The following RNGTT variants were observed in gnomAD, a reference collection of about 807,000 sequenced individuals.
The protein encoded by RNGTT is mRNA-capping enzyme.
RNGTT carries 33 observed loss-of-function variants against 79.3 expected under a neutral mutation model. That is an observed-to-expected ratio of 0.42 (90% CI 0.32 to 0.56). RNGTT has a LOEUF of 0.56. Among genes scored for constraint, RNGTT ranks in the 20% least tolerant of loss-of-function variants. The probability of loss-of-function intolerance (pLI) is 0.17; values close to 1 mark genes in which losing one functional copy is unlikely to be tolerated. For missense variants in RNGTT, 497 were observed against 739.1 expected (o/e 0.67, Z 3.80); for synonymous variants, 222 against 235.9 (o/e 0.94, Z 0.54).
At chr6:88,823,824 A>G (rs940396925) in intron 11 of RNGTT, among the ~76,000 whole-genome samples, 1 of 152,198 alleles carries the variant, frequency 6.6e-6, no homozygotes, top group Non-Finnish European at 1.5e-5. Context: ...TCAGGCTAAC[A>G]AAAGAGTTGA....
At chr6:88,931,846 CG>C (rs1562049181) in intron 2 of RNGTT, among the ~76,000 whole-genome samples, 3 of 152,236 alleles carry the variant, frequency 2.0e-5, no homozygotes, top group African/African-American at 7.2e-5. Context: ...CCATCATCTT[CG>C]TAAGCTGAGG....
intron 14 of RNGTT, among the ~76,000 whole-genome samples, chr6:88,660,412 G>C (rs1327563890): frequency 6.6e-6 from 1 of 152,100 alleles, no homozygotes; most frequent in Non-Finnish European, 1.5e-5. Flanking sequence ...GTCTTCAAGA[G>C]ACTCAACTAA....
intron 1 of RNGTT, among the ~76,000 whole-genome samples, chr6:88,949,158 T>TGAAAAAAAAAAAAAAAAAAAAAAAAA (rs1785144154): frequency 2.2e-4 from 4 of 18,004 alleles, no homozygotes; most frequent in Non-Finnish European, 3.3e-4. Flanking sequence ...TAAAATAAAA[T>TGAAAAAAAAAAAAAAAAAAAAAAAAA]GAAAAAAAAA....
intron 13 of RNGTT, among the ~76,000 whole-genome samples, chr6:88,687,875 A>G (rs779322847): frequency 3.9e-5 from 6 of 152,308 alleles, no homozygotes; most frequent in Non-Finnish European, 8.8e-5. Flanking sequence ...GAAGAGTGAC[A>G]TATCTATGAG....
chr6:88,803,867 T>A (rs1779872964), intron 11 of RNGTT, among the ~76,000 whole-genome samples: 1 of 152,154 alleles, frequency 6.6e-6, no homozygotes, highest in South Asian at 2.1e-4. Context: ...ATAACATGAT[T>A]CTACCTGCTG....
chr6:88,819,057 CA>C (rs1780417629), intron 11 of RNGTT, among the ~76,000 whole-genome samples: 1 of 151,952 alleles, frequency 6.6e-6, no homozygotes, highest in African/African-American at 2.4e-5. Flanking sequence ...CAATAAACAG[CA>C]AATTATTAGA....
At chr6:88,724,357 ATATGT>A (rs1442903480) in intron 13 of RNGTT, among the ~76,000 whole-genome samples, 1 of 152,166 alleles carries the variant, frequency 6.6e-6, no homozygotes, top group African/African-American at 2.4e-5. Context: ...TCTTGTTTAG[ATATGT>A]TATAATATGT....
chr6:88,829,785 G>C (rs895305410), intron 11 of RNGTT, among the ~76,000 whole-genome samples: 20 of 149,678 alleles, frequency 1.3e-4, no homozygotes, highest in Non-Finnish European at 2.5e-4. Context: ...GATCAAAAGA[G>C]ACAAAGAAGG....
intron 4 of RNGTT, among the ~76,000 whole-genome samples, chr6:88,912,942 C>A (rs1323779709): frequency 6.6e-6 from 1 of 152,158 alleles, no homozygotes; most frequent in East Asian, 1.9e-4. Context: ...CAGTGGCTCA[C>A]ACCTATAATC....
chr6:88,646,167 C>A (rs1773547721), intron 14 of RNGTT, among the ~76,000 whole-genome samples: 1 of 152,240 alleles, frequency 6.6e-6, no homozygotes, highest in South Asian at 2.1e-4. Context: ...CAAACAACCC[C>A]ATCAAAAAGT....
chr6:88,640,467 C>T (rs1006816874), intron 14 of RNGTT, among the ~76,000 whole-genome samples: 2 of 147,752 alleles, frequency 1.4e-5, no homozygotes, highest in African/African-American at 2.5e-5. Context: ...AGGAAGATCT[C>T]TTGAGCCTGG....
chr6:88,944,692 T>C (rs1242695906), intron 1 of RNGTT, among the ~76,000 whole-genome samples: 1 of 152,180 alleles, frequency 6.6e-6, no homozygotes, highest in African/African-American at 2.4e-5. Context: ...TTTTAAAAAG[T>C]TTAATACACA....
At chr6:88,928,545 T>C (rs1784391038) in intron 4 of RNGTT, among the ~76,000 whole-genome samples, 1 of 152,106 alleles carries the variant, frequency 6.6e-6, no homozygotes, top group Non-Finnish European at 1.5e-5. Flanking sequence ...GATGAAGGAA[T>C]TGTGCATCAA....
At chr6:88,766,953 T>C (rs1282265682) in intron 13 of RNGTT, among the ~76,000 whole-genome samples, 1 of 152,144 alleles carries the variant, frequency 6.6e-6, no homozygotes, top group African/African-American at 2.4e-5. Context: ...TATAGACATA[T>C]TTCTTACAGT....
chr6:88,953,134 G>T (rs1472891563), intron 1 of RNGTT, among the ~76,000 whole-genome samples: 1 of 152,176 alleles, frequency 6.6e-6, no homozygotes, highest in Non-Finnish European at 1.5e-5. Context: ...TTTCTGAATT[G>T]CCAGATAAAG....
At chr6:88,900,047 G>A (rs921589366) in intron 6 of RNGTT, among the ~76,000 whole-genome samples, 1 of 150,646 alleles carries the variant, frequency 6.6e-6, no homozygotes, top group Non-Finnish European at 1.5e-5. Context: ...CCTCTCTAAA[G>A]AAAGATAACA....
intron 8 of RNGTT, among the ~76,000 whole-genome samples, chr6:88,880,558 T>C (rs997097000): frequency 2.0e-5 from 3 of 152,156 alleles, no homozygotes; most frequent in African/African-American, 2.4e-5. Flanking sequence ...ATTGCAACCA[T>C]AGCACCAGCC....
chr6:88,613,099 A>C (rs1772093190), intron 15 of RNGTT, among the ~76,000 whole-genome samples: 1 of 152,222 alleles, frequency 6.6e-6, no homozygotes. Flanking sequence ...ATTTTAAACC[A>C]AAACTTTAAA....
intron 8 of RNGTT, among the ~76,000 whole-genome samples, chr6:88,869,279 T>C (rs72909764): frequency 0.04 from 6,156 of 152,260 alleles, 181 homozygotes; most frequent in African/African-American, 0.074. Flanking sequence ...AAAGTACAGA[T>C]TGAGATCTGA....
Sources: gnomAD v4.1 joint callset for allele counts (sites outside exome capture counted in the v4.1 genomes callset) on GRCh38, gnomAD v4.1.1 for gene constraint, MANE v1.5 for transcripts, NCBI Gene and HGNC (gene_info 2026-07-23, HGNC 2026-07-21) for gene names.